INSR: variants seen among roughly 807,000 people sequenced by gnomAD.
The protein encoded by INSR is insulin receptor, also known as IR.
A neutral mutation model predicts 142.6 loss-of-function variants in INSR; 67 were observed. That is an observed-to-expected ratio of 0.47 (90% CI 0.39 to 0.58). The LOEUF is 0.58. INSR is among the 20% of genes least tolerant of loss of function. The pLI, the probability that INSR is intolerant of heterozygous loss-of-function variation, is 0.00. For missense variants in INSR, 1,248 were observed against 1,833.2 expected (o/e 0.68, Z 5.83); for synonymous variants, 756 against 743.1 (o/e 1.02, Z -0.28).
At chr19:7,173,708 T>G (rs1974072165) in intron 4 of INSR, among the ~76,000 whole-genome samples, 1 of 136,920 alleles carries the variant, frequency 7.3e-6, no homozygotes, top group Non-Finnish European at 1.5e-5. Flanking sequence ...CAACCTCCAC[T>G]TCCTGAGTTC....
chr19:7,293,966 C>T lies in INSR; in HGVS notation c.-75G>A. ...CGCGGGGGTCATGCTCCGAGGCGGC[C>T]ACCCAAGAGGCGCTGGGGGCCGCGC... On this transcript the variant is annotated 5_prime_UTR_variant, in exon 1 of 22. Transcript: ENST00000302850. The T allele has an allele frequency of 8.8e-7, 1 of 1,141,082 alleles. No individual in the cohort carries two copies. The highest frequency in any genetic ancestry group is 1.1e-6 in the Non-Finnish European group (1 of 930,970). The allele number at this position is 1,141,082 out of a possible 1,614,324, so 70.7% of individuals were successfully genotyped here.
Position 7,163,625 on chromosome 19 carries a change from C to T in INSR, c.1862-426G>A, listed in dbSNP as rs551862328. Among the ~76,000 whole-genome samples the T allele has an allele frequency of 6.5e-4, 98 of 151,356 alleles. 1 individual carries two copies. The highest frequency in any genetic ancestry group is 3.7e-3 in the East Asian group (19 of 5,156). ...AACCAACCAAACAAAACCCAAAAAACCCAAAGTAACGGAGGTGGCCGAGGG... is the reference window on the plus strand; with the variant it reads ...AACCAACCAAACAAAACCCAAAAAATCCAAAGTAACGGAGGTGGCCGAGGG... On this transcript the variant is annotated intron_variant, in intron 8 of 21. Transcript: ENST00000302850.
At chr19:7,174,757 A>G (rs748273293) in intron 3 of INSR, 26 bp from the exon 4 acceptor site, 1 of 1,609,202 alleles carries the variant, frequency 6.2e-7, no homozygotes, top group South Asian at 1.1e-5. Context: ...AGAGAGAGAG[A>G]AAGAGAAAGG....
At position 7,152,992 on chromosome 19, in the gene INSR, CA is replaced by C. The variant is rs1447978147; in HGVS notation, c.2030-66del. The C allele has an allele frequency of 3.1e-3, 2,556 of 828,150 alleles. 3 individuals carry two copies. The highest frequency in any genetic ancestry group is 3.6e-3 in the Non-Finnish European group (1,937 of 537,852). 51.3% of individuals were successfully genotyped at this position (828,150 alleles called of 1,614,324 possible). A position where few individuals can be genotyped will look rare whatever the true frequency, so the allele number is the denominator to read the frequency against. On this transcript the variant is annotated intron_variant, in intron 9 of 21. Coordinates refer to ENST00000302850, the MANE Select transcript of INSR (RefSeq NM_000208.4). Reference sequence around the variant, plus strand: ...GGCTGAACACACATACACACACACACACACCCCACACACACACACACCACAC... The same window carrying C: ...GGCTGAACACACATACACACACACACCACCCCACACACACACACACCACAC...
rs1974366201 is a variant in INSR at position 7,184,495 on chromosome 19, C to T, written c.795G>A (p.Val265=). 1 of 1,613,978 alleles carries T rather than the reference C, an allele frequency of 6.2e-7. No individual in the cohort carries two copies. Among genetic ancestry groups the T allele is most frequent in the East Asian group, 2.2e-5 (1 of 44,872 alleles). ...GGTAGTACGGGGGCGGGCAGGTCTC[C>T]ACACACCTGCCGTCCAGGTAGAAGT... ...CRNFYLDGRC[V]ETCPPPYYHF... Residue 265 remains valine (V), a synonymous_variant, in exon 3 of 22, where the codon GTG becomes GTA. Transcript: ENST00000302850.
chr19:7,231,596 C>T (rs1255100770), intron 2 of INSR, among the ~76,000 whole-genome samples: 4 of 151,930 alleles, frequency 2.6e-5, no homozygotes, highest in African/African-American at 2.4e-5. Context: ...CCACGGCACC[C>T]GGCCCTGTGT....
In INSR at chr19:7,117,199, G is replaced by T; in HGVS notation, c.4006C>A (p.Gln1336Lys). ...NVPLDRSSHC[Q>K]REEAGGRDGG... ...TCCCGGCCCCCCGCCTCCTCCCTCT[G>T]ACAGTGCGAGGAACGGTCCAGGGGC... Residue 1336 changes from glutamine to lysine, a missense_variant, in exon 22 of 22, where the codon CAG (glutamine) becomes AAG (lysine). Gln to Lys is a moderately conservative substitution (Grantham distance 53). Coordinates refer to ENST00000302850, the MANE Select transcript of INSR (RefSeq NM_000208.4). The T allele has an allele frequency of 6.2e-7, 1 of 1,614,120 alleles. No homozygotes were observed. Among genetic ancestry groups the T allele is most frequent in the South Asian group, 1.1e-5 (1 of 91,068 alleles).
At chr19:7,280,422 T>C (rs556428565) in intron 1 of INSR, among the ~76,000 whole-genome samples, 11 of 150,142 alleles carry the variant, frequency 7.3e-5, no homozygotes, top group African/African-American at 2.4e-4. Flanking sequence ...ACCAAAAATA[T>C]AAAAAATTAG....
intron 2 of INSR, among the ~76,000 whole-genome samples, chr19:7,240,480 C>A (rs1976305404): frequency 6.6e-6 from 1 of 152,102 alleles, no homozygotes; most frequent in South Asian, 2.1e-4. Flanking sequence ...CACTAGAGAG[C>A]AGAATTGCTT....
At chr19:7,219,454 A>AAGAGAGAG (rs771018190) in intron 2 of INSR, among the ~76,000 whole-genome samples, 1 of 134,364 alleles carries the variant, frequency 7.4e-6, no homozygotes, top group Non-Finnish European at 1.6e-5. Context: ...AGAGAGAAAG[A>AAGAGAGAG]AGAGAGAGAG....
chr19:7,238,962 C>CTAAAA (rs1976251982), intron 2 of INSR, among the ~76,000 whole-genome samples: 1 of 77,892 alleles, frequency 1.3e-5, no homozygotes, highest in African/African-American at 5.8e-5. Context: ...GATGAATTCT[C>CTAAAA]AAAAAAAAAA....
intron 2 of INSR, among the ~76,000 whole-genome samples, chr19:7,204,431 G>T (rs1453689622): frequency 5.9e-5 from 9 of 152,070 alleles, no homozygotes. Context: ...GAGCCTCATG[G>T]CCTCGTTTTC....
chr19:7,227,919 C>T (rs958067957), intron 2 of INSR, among the ~76,000 whole-genome samples: 8 of 151,890 alleles, frequency 5.3e-5, no homozygotes, highest in Non-Finnish European at 8.8e-5. Context: ...GGTCTGAGAC[C>T]GCGACCTTCA....
intron 2 of INSR, among the ~76,000 whole-genome samples, chr19:7,249,415 T>A (rs549717565): frequency 1.3e-5 from 2 of 152,316 alleles, no homozygotes; most frequent in African/African-American, 4.8e-5. Flanking sequence ...AAAGTTTTGT[T>A]ATGAAGTTCG....
At chr19:7,153,336 GCCACACA>G (rs1973480373) in intron 9 of INSR, among the ~76,000 whole-genome samples, 1 of 3,340 alleles carries the variant, frequency 3.0e-4, no homozygotes, top group Non-Finnish European at 1.0e-3. Context: ...ACACACCCAC[GCCACACA>G]CCACAGACCA....
At chr19:7,212,825 G>A (rs113216019) in intron 2 of INSR, among the ~76,000 whole-genome samples, 37,487 of 151,644 alleles carry the variant, frequency 0.25, 4,818 homozygotes, top group East Asian at 0.28. Context: ...GACCTCAGGT[G>A]ATCCACCAAC....
chr19:7,263,833 G>C (rs1977139653), intron 2 of INSR, among the ~76,000 whole-genome samples: 1 of 152,142 alleles, frequency 6.6e-6, no homozygotes. Context: ...AGACCAGCCT[G>C]ACCAACATGG....
chr19:7,293,862 C>G lies in INSR; in HGVS notation c.30G>C (p.Ala10=). 2.4e-6 allele frequency: 3 copies of G among 1,241,372 alleles called. No individual in the cohort carries two copies. The highest frequency in any genetic ancestry group is 3.0e-6 in the Non-Finnish European group (3 of 999,006). 76.9% of individuals were successfully genotyped at this position (1,241,372 alleles called of 1,614,324 possible). Residue 10 remains alanine, a synonymous_variant, in exon 1 of 22, where the codon GCG becomes GCC. Coordinates refer to ENST00000302850, the MANE Select transcript of INSR (RefSeq NM_000208.4). MATGGRRGA[A]AAPLLVAVAA... is the part of the protein sequence containing the mutation. Reference sequence around the variant, plus strand: ...CCACCGCCACCAGCAGCGGCGCGGCCGCCGCCCCCCGCCGGCCCCCGGTGG... The same window carrying G: ...CCACCGCCACCAGCAGCGGCGCGGCGGCCGCCCCCCGCCGGCCCCCGGTGG...
At chr19:7,250,334 AAAAG>A (rs1428591331) in intron 2 of INSR, among the ~76,000 whole-genome samples, 2 of 149,694 alleles carry the variant, frequency 1.3e-5, no homozygotes, top group African/African-American at 4.9e-5. Context: ...AAGAGAGAGA[AAAAG>A]AAAGAGGAGG....
Sources: gnomAD v4.1 joint callset for allele counts (sites outside exome capture counted in the v4.1 genomes callset) on GRCh38, gnomAD v4.1.1 for gene constraint, MANE v1.5 for transcripts, NCBI Gene and HGNC (gene_info 2026-07-23, HGNC 2026-07-21) for gene names.